NUP153: variants seen among roughly 807,000 people sequenced by gnomAD.
NUP153 encodes nucleoporin 153.
NUP153 carries 27 observed loss-of-function variants against 134.6 expected under a neutral mutation model. That is an observed-to-expected ratio of 0.20 (90% CI 0.15 to 0.28). NUP153 has a LOEUF of 0.28. Among genes scored for constraint, NUP153 ranks in the 10% least tolerant of loss-of-function variants. The pLI, the probability that NUP153 is intolerant of heterozygous loss-of-function variation, is 1.00. For missense variants in NUP153, 1,821 were observed against 1,731.3 expected, an observed-to-expected ratio of 1.05 and a Z score of -0.92; for synonymous variants, 640 against 623.5, an observed-to-expected ratio of 1.03 and a Z score of -0.40.
At chr6:17,684,799 T>A (rs1768809984) in intron 2 of NUP153, among the ~76,000 whole-genome samples, 1 of 152,110 alleles carries the variant, frequency 6.6e-6, no homozygotes. Context: ...CTAATTTCAA[T>A]ACTGTCAGAG....
At chr6:17,671,387 C>A (rs949719198) in intron 5 of NUP153, among the ~76,000 whole-genome samples, 10 of 152,070 alleles carry the variant, frequency 6.6e-5, no homozygotes, top group African/African-American at 1.9e-4. Context: ...GGTATTATTT[C>A]TTTCTTAAAT....
At chr6:17,678,272 C>T (rs2113837459) in intron 2 of NUP153, among the ~76,000 whole-genome samples, 1 of 145,420 alleles carries the variant, frequency 6.9e-6, no homozygotes, top group Non-Finnish European at 1.5e-5. Flanking sequence ...ACGAGAATTG[C>T]TTGAACCTGG....
At chr6:17,655,643 G>C (rs1238196281) in intron 11 of NUP153, among the ~76,000 whole-genome samples, 1 of 151,592 alleles carries the variant, frequency 6.6e-6, no homozygotes, top group African/African-American at 2.4e-5. Context: ...TAGTAGAGAC[G>C]GGGTTTCACC....
chr6:17,668,520 GA>G (rs984491712), intron 8 of NUP153, among the ~76,000 whole-genome samples: 1 of 152,228 alleles, frequency 6.6e-6, no homozygotes, highest in Admixed American at 6.5e-5. Flanking sequence ...GAGGACTGCA[GA>G]AGAGAGTAAA....
At chr6:17,661,964 C>G in intron 10 of NUP153, 54 bp downstream of exon 10, 1 of 1,359,934 alleles carries the variant, frequency 7.4e-7, no homozygotes, top group Non-Finnish European at 1.0e-6. Flanking sequence ...AAATTAAATA[C>G]AGACCTTACA....
chr6:17,689,105 G>A (rs1769122799), intron 1 of NUP153, among the ~76,000 whole-genome samples: 2 of 151,928 alleles, frequency 1.3e-5, no homozygotes, highest in African/African-American at 4.8e-5. Flanking sequence ...AAACAATCTG[G>A]CCAAGCGAGG....
intron 2 of NUP153, among the ~76,000 whole-genome samples, chr6:17,682,944 ACTTT>A (rs1178210364): frequency 5.4e-5 from 8 of 148,534 alleles, no homozygotes; most frequent in African/African-American, 1.7e-4. Flanking sequence ...AAAAAAAAAC[ACTTT>A]CTTTGCGCAT....
At position 17,617,058 on chromosome 6, in the gene NUP153, T is replaced by C. The variant is rs535271460; in HGVS notation, c.4175-363A>G. On this transcript the variant is annotated intron_variant, in intron 20 of 21. Coordinates refer to ENST00000262077, the MANE Select transcript of NUP153 (RefSeq NM_005124.4). ...GCCACTGCACCCGGCCGCAACATGA[T>C]AGGTTTTTAAATTAAAGACTCTGAC... Among the ~76,000 whole-genome samples the C allele has an allele frequency of 7.5e-4, 115 of 152,322 alleles. 1 individual carries two copies. Among genetic ancestry groups the C allele is most frequent in the Non-Finnish European group, 1.4e-3 (96 of 68,022 alleles).
chr6:17,634,875 T>C (rs1471984730), intron 16 of NUP153, among the ~76,000 whole-genome samples: 2 of 152,084 alleles, frequency 1.3e-5, no homozygotes, highest in Non-Finnish European at 2.9e-5. Context: ...GGTCCAATCT[T>C]TTGGCTTCCC....
At position 17,624,787 on chromosome 6, in the gene NUP153, A is replaced by C. The variant is rs747631427; in HGVS notation, c.3948T>G (p.Ser1316Arg). ...FGTGPSAPSA[S>R]PAFGANQTPT... ...GGGTCTGGTTAGCACCAAATGCTGGACTGGCAGATGGTGCTGAGGGTCCAG... is the reference window on the plus strand; with the variant it reads ...GGGTCTGGTTAGCACCAAATGCTGGCCTGGCAGATGGTGCTGAGGGTCCAG... The change falls in exon 20 of 22, where the codon AGT becomes AGG. Residue 1316 changes from serine (S) to arginine (R), a missense_variant. Transcript: ENST00000262077. The C allele has an allele frequency of 1.2e-6, 2 of 1,613,928 alleles. No individual in the cohort carries two copies. Among genetic ancestry groups the C allele is most frequent in the Non-Finnish European group, 1.7e-6 (2 of 1,179,962 alleles).
chr6:17,650,159 TC>T (rs1241200480), intron 11 of NUP153, among the ~76,000 whole-genome samples: 1 of 151,918 alleles, frequency 6.6e-6, no homozygotes, highest in African/African-American at 2.4e-5. Context: ...AAAGAAACAA[TC>T]ATCTGAAGGC....
chr6:17,622,311 A>C (rs994533715), intron 20 of NUP153, among the ~76,000 whole-genome samples: 1 of 152,120 alleles, frequency 6.6e-6, no homozygotes, highest in Non-Finnish European at 1.5e-5. Flanking sequence ...TCCAAAAATG[A>C]AACAGATGGG....
At chr6:17,636,469 C>T (rs1017873606) in intron 16 of NUP153, among the ~76,000 whole-genome samples, 3 of 151,996 alleles carry the variant, frequency 2.0e-5, no homozygotes, top group Non-Finnish European at 4.4e-5. Context: ...ATTACAGACA[C>T]AAAACTGCAT....
In NUP153 at chr6:17,629,482, C is replaced by T. The variant is rs1765122278; in HGVS notation, c.2717G>A (p.Gly906Asp). Reference sequence around the variant, plus strand: ...AGGCCCAGAAGAGGATGATGAGACACCAAATTTGAAGGATGAGGAGGCTGC... The same window carrying T: ...AGGCCCAGAAGAGGATGATGAGACATCAAATTTGAAGGATGAGGAGGCTGC... Reference protein sequence around the residue: ...NSAASSSFKFGVSSSSSGPSQ... With the variant: ...NSAASSSFKFDVSSSSSGPSQ... The change falls in exon 18 of 22, where the codon GGT becomes GAT. Residue 906 changes from glycine to aspartate, a missense_variant. Coordinates refer to ENST00000262077, the MANE Select transcript of NUP153 (RefSeq NM_005124.4). 2.5e-6 allele frequency: 4 copies of T among 1,608,336 alleles called. No individual in the cohort carries two copies. The highest frequency in any genetic ancestry group is 3.4e-6 in the Non-Finnish European group (4 of 1,178,670).
Position 17,678,352 on chromosome 6 carries a change from C to CAAAAAAAAAAAA in NUP153, c.335-2594_335-2583dup, listed in dbSNP as rs11428582. Reference sequence around the variant, plus strand: ...GCCTGGTTGACAGAACCCTCTGTCTCAAAAAAAAAAAAAAAAAAAAAAAGA... The same window carrying CAAAAAAAAAAAA: ...GCCTGGTTGACAGAACCCTCTGTCTCAAAAAAAAAAAAAAAAAAAAAAAAAAAAAAAAAAAGA... On this transcript the variant is annotated intron_variant, in intron 2 of 21. Transcript: ENST00000262077. Among the ~76,000 whole-genome samples the CAAAAAAAAAAAA allele has an allele frequency of 6.2e-3, 420 of 68,220 alleles. 37 individuals are homozygous for CAAAAAAAAAAAA. Among genetic ancestry groups the CAAAAAAAAAAAA allele is most frequent in the African/African-American group, 0.019 (303 of 15,708 alleles). The allele number at this position is 68,220 out of a possible 152,430, so 44.8% of individuals were successfully genotyped here. A position where few individuals can be genotyped will look rare whatever the true frequency, so the allele number is the denominator to read the frequency against.
chr6:17,683,650 T>C (rs989936353), intron 2 of NUP153, among the ~76,000 whole-genome samples: 1 of 152,160 alleles, frequency 6.6e-6, no homozygotes, highest in African/African-American at 2.4e-5. Flanking sequence ...GCATAATTCT[T>C]AGGAGCCCTA....
chr6:17,704,334 AAT>A (rs1445129101), intron 1 of NUP153, among the ~76,000 whole-genome samples: 1 of 152,288 alleles, frequency 6.6e-6, no homozygotes, highest in Non-Finnish European at 1.5e-5. Context: ...ACATCTGGAA[AAT>A]ATTAATTCCC....
chr6:17,667,868 G>A (rs1359722931), intron 8 of NUP153, among the ~76,000 whole-genome samples: 3 of 152,024 alleles, frequency 2.0e-5, no homozygotes, highest in African/African-American at 7.2e-5. Context: ...TTAATTTTAA[G>A]CAAATAGGAT....
intron 11 of NUP153, among the ~76,000 whole-genome samples, chr6:17,656,089 C>T (rs2113808271): frequency 6.6e-6 from 1 of 151,454 alleles, no homozygotes; most frequent in Middle Eastern, 3.4e-3. Context: ...CTTGTAATCC[C>T]AGCTACTCAG....
Sources: gnomAD v4.1 joint callset for allele counts (sites outside exome capture counted in the v4.1 genomes callset) on GRCh38, gnomAD v4.1.1 for gene constraint, MANE v1.5 for transcripts, NCBI Gene and HGNC (gene_info 2026-07-23, HGNC 2026-07-21) for gene names.